YBEY: variants seen among roughly 807,000 people sequenced by gnomAD.
YBEY encodes the protein endoribonuclease YbeY.
Under a neutral mutation model 13.5 loss-of-function variants are expected in YBEY, and 15 were observed. That is an observed-to-expected ratio of 1.11 (90% CI 0.75 to 1.72). The LOEUF (loss-of-function observed/expected upper bound fraction) is 1.72. Ranked by LOEUF, YBEY falls within the 40% of genes most tolerant of loss-of-function variation. YBEY has a pLI of 0.00. For missense variants in YBEY, 244 were observed against 208.4 expected (o/e 1.17, Z -1.05); for synonymous variants, 101 against 83.1 (o/e 1.21, Z -1.17).
chr21:46,298,141 CGCCGAG>C (rs2082011361), downstream of YBEY, among the ~76,000 whole-genome samples: 7 of 152,340 alleles, frequency 4.6e-5, no homozygotes, highest in South Asian at 1.5e-3. Context: ...ACGGCGAGGC[CGCCGAG>C]CAGCACCTCA....
rs113614653 is a variant in YBEY, at chr21:46,297,642, G to T, written c.*8G>T. On this transcript the variant is annotated 3_prime_UTR_variant, in exon 5 of 5. Transcript: ENST00000397701. ...CTCTTCGGAGGGAGCTGAGGGCCGCGTTCCTTCTGAAAGCGGGACGCGGGA... is the reference window on the plus strand; with the variant it reads ...CTCTTCGGAGGGAGCTGAGGGCCGCTTTCCTTCTGAAAGCGGGACGCGGGA... The T allele has an allele frequency of 2.3e-6, 3 of 1,299,254 alleles. No homozygotes were observed. The highest frequency in any genetic ancestry group is 1.5e-5 in the African/African-American group (1 of 64,880). The allele number at this position is 1,299,254 out of a possible 1,614,324, so 80.5% of individuals were successfully genotyped here. A position where few individuals can be genotyped will look rare whatever the true frequency, so the allele number is the denominator to read the frequency against.
chr21:46,298,061 A>G (rs1172365323), downstream of YBEY, among the ~76,000 whole-genome samples: 1 of 152,220 alleles, frequency 6.6e-6, no homozygotes, highest in Admixed American at 6.5e-5. Context: ...CCTCTTCATC[A>G]GGGCAGCGCG....
At chr21:46,299,417 C>T (rs2082055370), downstream of YBEY, among the ~76,000 whole-genome samples, 1 of 152,114 alleles carries the variant, frequency 6.6e-6, no homozygotes, top group African/African-American at 2.4e-5. Context: ...TGGGGGCTCA[C>T]AGGTCACCAC....
chr21:46,290,896 T>G (rs1216501815), intron 2 of YBEY, among the ~76,000 whole-genome samples: 1 of 150,772 alleles, frequency 6.6e-6, no homozygotes, highest in South Asian at 2.1e-4. Flanking sequence ...AAATACAAAA[T>G]TAGCCGGGCG....
chr21:46,295,142 G>A (rs1264555040), intron 3 of YBEY, among the ~76,000 whole-genome samples: 2 of 152,090 alleles, frequency 1.3e-5, no homozygotes, highest in Admixed American at 1.3e-4. Flanking sequence ...CTAAGATTCT[G>A]TTCCCTGGTC....
the YBEY span, among the ~76,000 whole-genome samples, chr21:46,308,322 G>A: frequency 2.0e-5 from 3 of 152,110 alleles, no homozygotes; most frequent in African/African-American, 2.4e-5. Flanking sequence ...TCAGCCGGGC[G>A]TGGTGGCACA....
intron 2 of YBEY, among the ~76,000 whole-genome samples, chr21:46,290,567 A>G (rs978360215): frequency 6.6e-6 from 1 of 151,062 alleles, no homozygotes. Context: ...TGGGCAACCC[A>G]CCCGCCACAG....
downstream of YBEY, chr21:46,300,124 A>C (rs1441572278): frequency 6.6e-6 from 1 of 152,488 alleles, no homozygotes; most frequent in African/African-American, 2.4e-5. Context: ...GTTGTATGAA[A>C]AATTCTGTTG....
At chr21:46,300,124 A>G (rs1441572278), downstream of YBEY, 4 of 152,370 alleles carry the variant, frequency 2.6e-5, no homozygotes, top group Admixed American at 2.0e-4. Flanking sequence ...GTTGTATGAA[A>G]AATTCTGTTG....
At chr21:46,298,532 C>A (rs563770355), downstream of YBEY, among the ~76,000 whole-genome samples, 2 of 150,044 alleles carry the variant, frequency 1.3e-5, no homozygotes, top group South Asian at 2.1e-4. Context: ...GGGGTTCACG[C>A]CATTCTCCTG....
downstream of YBEY, chr21:46,300,881 A>C: frequency 9.8e-7 from 1 of 1,025,118 alleles, no homozygotes; most frequent in Non-Finnish European, 1.3e-6. Context: ...ATTGCACCCA[A>C]AAAAAAAAGT....
At chr21:46,310,700 T>C in the YBEY span, among the ~76,000 whole-genome samples, 1 of 150,788 alleles carries the variant, frequency 6.6e-6, no homozygotes, top group Non-Finnish European at 1.5e-5. Context: ...TTCCAGCCAC[T>C]TGGGAGGCTG....
the YBEY span, among the ~76,000 whole-genome samples, chr21:46,310,110 G>A: frequency 1.3e-4 from 20 of 152,152 alleles, no homozygotes; most frequent in African/African-American, 4.6e-4. Flanking sequence ...AAAGAAACAC[G>A]AGGAAACTTT....
intron 3 of YBEY, among the ~76,000 whole-genome samples, chr21:46,292,851 C>CACAA: frequency 7.6e-6 from 1 of 131,620 alleles, no homozygotes; most frequent in Non-Finnish European, 1.7e-5. Flanking sequence ...GAGTCAGCCA[C>CACAA]GCAAGTTAAA....
chr21:46,312,565 C>T, the YBEY span, among the ~76,000 whole-genome samples: 1 of 152,154 alleles, frequency 6.6e-6, no homozygotes, highest in Non-Finnish European at 1.5e-5. Flanking sequence ...GAGAGCCACC[C>T]ATCCAACCAA....
At chr21:46,302,556 G>A, downstream of YBEY, 1 of 1,612,256 alleles carries the variant, frequency 6.2e-7, no homozygotes, top group Non-Finnish European at 8.5e-7. Context: ...GCGTTCTGCA[G>A]CAGCAGCAGC....
the YBEY span, among the ~76,000 whole-genome samples, chr21:46,302,914 C>T: frequency 8.9e-6 from 1 of 112,284 alleles, no homozygotes; most frequent in African/African-American, 3.4e-5. Context: ...GCCCTGAGCC[C>T]GTCTGCACAC....
chr21:46,299,056 T>C (rs1278347926), downstream of YBEY, among the ~76,000 whole-genome samples: 5 of 150,914 alleles, frequency 3.3e-5, no homozygotes. Flanking sequence ...TCTTTTTTTT[T>C]TTTTTTTTGG....
chr21:46,301,707 C>A (rs1018842211), downstream of YBEY: 7 of 1,175,422 alleles, frequency 6.0e-6, no homozygotes, highest in Non-Finnish European at 7.4e-6. Flanking sequence ...GGTGGGCCGG[C>A]GCCGCCCTAC....
Sources: allele counts gnomAD v4.1 joint callset (sites outside exome capture counted in the v4.1 genomes callset), GRCh38; gene constraint gnomAD v4.1.1; transcripts MANE v1.5; gene names NCBI Gene and HGNC (gene_info 2026-07-23, HGNC 2026-07-21).